Variants in ADAMTSL1 observed in about 807,000 individuals in gnomAD.
ADAMTSL1 encodes ADAMTS-like protein 1.
A neutral mutation model predicts 201.8 loss-of-function variants in ADAMTSL1; 126 were observed. The observed-to-expected ratio is 0.62, with a 90% CI of 0.54 to 0.72. ADAMTSL1 has a LOEUF of 0.72. Among genes scored for constraint, ADAMTSL1 ranks in the 30% least tolerant of loss-of-function variants. The probability of loss-of-function intolerance (pLI) is 0.00; values close to 1 mark genes in which losing one functional copy is unlikely to be tolerated. For missense variants in ADAMTSL1, 2,679 were observed against 2,277.8 expected, an observed-to-expected ratio of 1.18 and a Z score of -3.59; for synonymous variants, 1,121 against 903.4, an observed-to-expected ratio of 1.24 and a Z score of -4.32.
At chr9:18,331,482 G>A (rs1041781892) in intron 2 of ADAMTSL1, among the ~76,000 whole-genome samples, 3 of 152,120 alleles carry the variant, frequency 2.0e-5, no homozygotes, top group Admixed American at 6.6e-5. Context: ...ATGAACAATA[G>A]TAATTAGTCC....
chr9:17,975,651 C>A (rs1312746996), intron 1 of ADAMTSL1, among the ~76,000 whole-genome samples: 1 of 151,978 alleles, frequency 6.6e-6, no homozygotes, highest in African/African-American at 2.4e-5. Context: ...ATGTTTTTTG[C>A]CATTCTGAAG....
intron 2 of ADAMTSL1, among the ~76,000 whole-genome samples, chr9:18,181,175 T>G (rs1828457032): frequency 6.6e-6 from 1 of 152,168 alleles, no homozygotes; most frequent in Non-Finnish European, 1.5e-5. Context: ...CCTAAAACCA[T>G]AAAAGCCCTA....
At chr9:18,230,066 A>G (rs1199381578) in intron 2 of ADAMTSL1, among the ~76,000 whole-genome samples, 3 of 152,198 alleles carry the variant, frequency 2.0e-5, no homozygotes, top group Non-Finnish European at 4.4e-5. Context: ...AGGTAAGATA[A>G]GAAAGAATTT....
At chr9:18,591,893 A>G (rs1823938677) in intron 4 of ADAMTSL1, among the ~76,000 whole-genome samples, 1 of 152,192 alleles carries the variant, frequency 6.6e-6, no homozygotes, top group Non-Finnish European at 1.5e-5. Context: ...AGATGCTTGA[A>G]GAAGTGGTAA....
At chr9:18,029,966 A>C (rs1480308557) in intron 1 of ADAMTSL1, among the ~76,000 whole-genome samples, 3 of 151,738 alleles carry the variant, frequency 2.0e-5, no homozygotes, top group Admixed American at 6.6e-5. Flanking sequence ...AAACTAGTTC[A>C]ACCATTGTGG....
chr9:18,182,422 G>A (rs1233122116), intron 2 of ADAMTSL1, among the ~76,000 whole-genome samples: 2 of 152,156 alleles, frequency 1.3e-5, no homozygotes, highest in Admixed American at 6.5e-5. Flanking sequence ...GGTCTATACA[G>A]TTTAAGAAGG....
chr9:17,963,876 C>G (rs560284616), intron 1 of ADAMTSL1, among the ~76,000 whole-genome samples: 6 of 152,258 alleles, frequency 3.9e-5, no homozygotes, highest in African/African-American at 1.4e-4. Flanking sequence ...AAAACGGAAT[C>G]CTCAGTGACA....
At chr9:18,271,503 A>G (rs1832367360) in intron 2 of ADAMTSL1, among the ~76,000 whole-genome samples, 1 of 152,002 alleles carries the variant, frequency 6.6e-6, no homozygotes, top group South Asian at 2.1e-4. Context: ...AAGGACATGA[A>G]CTCATCATTT....
intron 1 of ADAMTSL1, among the ~76,000 whole-genome samples, chr9:18,028,810 A>G (rs1820809571): frequency 6.6e-6 from 1 of 152,146 alleles, no homozygotes; most frequent in South Asian, 2.1e-4. Flanking sequence ...AATCATTGGT[A>G]GCTTGATGGG....
chr9:18,531,222 C>A (rs909307810), intron 2 of ADAMTSL1, among the ~76,000 whole-genome samples: 10 of 152,196 alleles, frequency 6.6e-5, no homozygotes, highest in Non-Finnish European at 1.3e-4. Flanking sequence ...GCATGGCCAG[C>A]ACTCTCTGTT....
chr9:18,081,176 G>T (rs1012645265), intron 1 of ADAMTSL1, among the ~76,000 whole-genome samples: 6 of 152,202 alleles, frequency 3.9e-5, no homozygotes, highest in African/African-American at 1.4e-4. Context: ...TAGTCTATCA[G>T]AATTAGTAAG....
intron 2 of ADAMTSL1, among the ~76,000 whole-genome samples, chr9:18,455,111 C>T (rs1015176605): frequency 1.3e-5 from 2 of 152,188 alleles, no homozygotes; most frequent in East Asian, 3.9e-4. Flanking sequence ...TTATTGAAAA[C>T]TGTTTAGTCC....
At chr9:18,362,213 A>C (rs916743040) in intron 2 of ADAMTSL1, 1 of 152,210 alleles carries the variant, frequency 6.6e-6, no homozygotes, top group Non-Finnish European at 1.5e-5. Context: ...TTTTGTTCTC[A>C]CCTAACACTG....
At chr9:18,120,651 C>T (rs1484918070) in intron 1 of ADAMTSL1, among the ~76,000 whole-genome samples, 1 of 152,112 alleles carries the variant, frequency 6.6e-6, no homozygotes, top group Admixed American at 6.5e-5. Flanking sequence ...TGTGTGTACA[C>T]ACACACAAAA....
intron 1 of ADAMTSL1, among the ~76,000 whole-genome samples, chr9:17,935,311 C>G (rs774779749): frequency 5.3e-5 from 8 of 152,112 alleles, no homozygotes; most frequent in Non-Finnish European, 1.2e-4. Context: ...CCCCCGGCAC[C>G]AGTTCTTGGA....
intron 1 of ADAMTSL1, among the ~76,000 whole-genome samples, chr9:18,003,481 A>C (rs1819694038): frequency 6.6e-6 from 1 of 152,012 alleles, no homozygotes; most frequent in African/African-American, 2.4e-5. Flanking sequence ...CTCTACCTAC[A>C]TGCCTGTCTG....
At chr9:18,457,176 T>A (rs1820637070) in intron 2 of ADAMTSL1, among the ~76,000 whole-genome samples, 1 of 152,194 alleles carries the variant, frequency 6.6e-6, no homozygotes, top group Non-Finnish European at 1.5e-5. Context: ...CCTTCCCAGT[T>A]ACTGAGCTAA....
chr9:18,069,101 G>A (rs536775979), intron 1 of ADAMTSL1, among the ~76,000 whole-genome samples: 4 of 152,174 alleles, frequency 2.6e-5, no homozygotes, highest in African/African-American at 7.2e-5. Context: ...CTATCATTAC[G>A]TGACTCACTG....
intron 2 of ADAMTSL1, among the ~76,000 whole-genome samples, chr9:18,523,363 T>G (rs1341016626): frequency 6.6e-6 from 1 of 152,228 alleles, no homozygotes; most frequent in Non-Finnish European, 1.5e-5. Flanking sequence ...ATGAGTAGGT[T>G]GCAAAAATTT....
Sources: allele counts gnomAD v4.1 joint callset (sites outside exome capture counted in the v4.1 genomes callset), GRCh38; gene constraint gnomAD v4.1.1; transcripts MANE v1.5; gene names NCBI Gene and HGNC (gene_info 2026-07-23, HGNC 2026-07-21).